ATP2B4: variants seen among roughly 807,000 people sequenced by gnomAD.
ATP2B4 encodes plasma membrane calcium-transporting ATPase 4.
Under a neutral mutation model 110.3 loss-of-function variants are expected in ATP2B4, and 39 were observed. That is an observed-to-expected ratio of 0.35 (90% CI 0.27 to 0.46). The LOEUF is 0.46. Ranked by LOEUF, ATP2B4 falls within the 20% of genes least tolerant of loss-of-function variation. The probability of loss-of-function intolerance (pLI) is 1.00; values close to 1 mark genes in which losing one functional copy is unlikely to be tolerated. For synonymous variants in ATP2B4, 538 were observed against 571.7 expected, an observed-to-expected ratio of 0.94 and a Z score of 0.84; for missense variants, 1,135 against 1,530.9, an observed-to-expected ratio of 0.74 and a Z score of 4.32.
At chr1:203,728,243 A>G (rs1316146441) in intron 20 of ATP2B4, 1 of 467,768 alleles carries the variant, frequency 2.1e-6, no homozygotes, top group Non-Finnish European at 4.4e-6. Context: ...GAAATGGGAT[A>G]GAAGCCACCC....
Position 203,713,243 on chromosome 1 carries a change from C to G in ATP2B4, c.2290C>G (p.Leu764Val). ...ATCTTCTCCCACTGACAAGCACACC[C>G]TGGTGAAAGGTGAGGTTGGCTTCCA... The part of the protein sequence containing the change: ...ARSSPTDKHT[L>V]VKGIIDSTVG... Residue 764 changes from leucine to valine, a missense_variant, in exon 14 of 21, where the codon CTG (leucine) becomes GTG (valine). By Grantham distance (32) the Leu-to-Val change is conservative. Coordinates refer to ENST00000357681, the MANE Select transcript of ATP2B4 (RefSeq NM_001684.5). 6.2e-7 allele frequency: 1 copy of G among 1,614,128 alleles called. No individual in the cohort carries two copies. The highest frequency in any genetic ancestry group is 1.1e-5 in the South Asian group (1 of 91,084).
rs1222533329 is a variant in ATP2B4, at chr1:203,743,907, GAAAAAAAATGCTA to G, written c.*4054_*4066del. Reference sequence around the variant, plus strand: ...TGCATGTATTTATATGGTTCTTAGGGAAAAAAAATGCTATAAACTGCAAATCTGAAATTCAAAT... The same window carrying G: ...TGCATGTATTTATATGGTTCTTAGGGTAAACTGCAAATCTGAAATTCAAAT... On this transcript the variant is annotated 3_prime_UTR_variant, in exon 21 of 21. Transcript: ENST00000357681. 1 of 152,146 alleles carries G rather than the reference GAAAAAAAATGCTA, an allele frequency of 6.6e-6. No individual in the cohort carries two copies. The highest frequency in any genetic ancestry group is 1.5e-5 in the Non-Finnish European group (1 of 67,936). The allele number at this position is 152,146 out of a possible 1,614,324, so 9.4% of individuals were successfully genotyped here.
chr1:203,648,285 G>GT (rs1001737241), intron 1 of ATP2B4, among the ~76,000 whole-genome samples: 16 of 151,704 alleles, frequency 1.1e-4, no homozygotes, highest in Admixed American at 5.2e-4. Flanking sequence ...GAAAAGAAGT[G>GT]TTTTTTTTAA....
chr1:203,684,492 A>T (rs1326016154), intron 2 of ATP2B4, among the ~76,000 whole-genome samples: 1 of 151,132 alleles, frequency 6.6e-6, no homozygotes, highest in Admixed American at 6.6e-5. Context: ...GGCAGTTGGG[A>T]CTACAGGTGT....
At chr1:203,689,653 C>T (rs1287611621) in intron 2 of ATP2B4, among the ~76,000 whole-genome samples, 2 of 152,150 alleles carry the variant, frequency 1.3e-5, no homozygotes, top group Non-Finnish European at 2.9e-5. Flanking sequence ...AATTCTTTTT[C>T]AACAACATTC....
chr1:203,727,585 G>A lies in ATP2B4; in HGVS notation c.3309+14G>A. 1 of 1,612,986 alleles carries A rather than the reference G, an allele frequency of 6.2e-7. No homozygotes were observed. Among genetic ancestry groups the A allele is most frequent in the Non-Finnish European group, 8.5e-7 (1 of 1,179,724 alleles). On this transcript the variant is annotated intron_variant, in intron 20 of 20. Transcript: ENST00000357681. The stretch of plus-strand genomic sequence containing the variant: ...ATCCAGACTCAGGTACTCTGATAGT[G>A]GTCTGTCCTTCCCTTGGGAGAAGCA...
intron 2 of ATP2B4, among the ~76,000 whole-genome samples, chr1:203,694,516 T>G (rs188766923): frequency 1.3e-5 from 2 of 152,224 alleles, no homozygotes; most frequent in East Asian, 1.9e-4. Flanking sequence ...GAGGCCCTGA[T>G]GTAGATGCCT....
intron 20 of ATP2B4, chr1:203,728,187 G>A: frequency 2.1e-6 from 1 of 469,498 alleles, no homozygotes; most frequent in Non-Finnish European, 4.4e-6. Flanking sequence ...TCCTGACAAG[G>A]AGGAAGCAAT....
Position 203,703,950 on chromosome 1 carries a change from C to T in ATP2B4, c.1099+137C>T, listed in dbSNP as rs148647736. ...AGGGTGGCTAGTTGGGGCTAGGCGG[C>T]TGTTTCCCTATCTCCGCCACTGTTT... On this transcript the variant is annotated intron_variant, in intron 8 of 20. Transcript: ENST00000357681. The T allele has an allele frequency of 3.0e-4, 335 of 1,121,320 alleles. 1 individual carries two copies. The African/African-American group carries it at 4.3e-3, about 14-fold the overall frequency. 69.5% of individuals were successfully genotyped at this position (1,121,320 alleles called of 1,614,324 possible).
Position 203,740,077 on chromosome 1 carries a change from C to A in ATP2B4, c.*223C>A. The A allele has an allele frequency of 1.8e-6, 1 of 551,754 alleles. No individual in the cohort carries two copies. Among genetic ancestry groups the A allele is most frequent in the East Asian group, 3.0e-5 (1 of 33,200 alleles). The allele number at this position is 551,754 out of a possible 1,614,324, so 34.2% of individuals were successfully genotyped here. On this transcript the variant is annotated 3_prime_UTR_variant, in exon 21 of 21. Transcript: ENST00000357681. ...TTTGTAGCGGGACCCAGTCAAACCC[C>A]ATTCAGGTCATGGTAGAATCTACTC...
At chr1:203,699,123 G>C (rs1324569366) in intron 3 of ATP2B4, among the ~76,000 whole-genome samples, 1 of 152,078 alleles carries the variant, frequency 6.6e-6, no homozygotes, top group Admixed American at 6.6e-5. Context: ...ATCTCAAAGT[G>C]CCCCCTGCCA....
chr1:203,700,654 T>C lies in ATP2B4; in HGVS notation c.776-144T>C. 4 of 1,204,770 alleles carry C rather than the reference T, an allele frequency of 3.3e-6. No homozygotes were observed. In the East Asian group the frequency reaches 9.7e-5, roughly 29 times the overall value. The allele number at this position is 1,204,770 out of a possible 1,614,324, so 74.6% of individuals were successfully genotyped here. A position where few individuals can be genotyped will look rare whatever the true frequency, so the allele number is the denominator to read the frequency against. On this transcript the variant is annotated intron_variant, in intron 5 of 20. Transcript: ENST00000357681. ...CTGGTCTGTTTTAAATGCGCCCAGC[T>C]CTTGACCTTTTCCTACTGTGCTAAG...
At chr1:203,647,273 A>G (rs1663828962) in intron 1 of ATP2B4, among the ~76,000 whole-genome samples, 1 of 151,980 alleles carries the variant, frequency 6.6e-6, no homozygotes, top group South Asian at 2.1e-4. Context: ...TTAAAAAAAT[A>G]AAAAATAAAA....
intron 20 of ATP2B4, among the ~76,000 whole-genome samples, chr1:203,735,002 CAAAAAAAAAAAAAAA>C (rs35552196): frequency 3.5e-5 from 2 of 57,132 alleles, no homozygotes; most frequent in Admixed American, 5.5e-4. Context: ...GACTCCATCT[CAAAAAAAAAAAAAAA>C]AAAAAAAACG....
intron 18 of ATP2B4, among the ~76,000 whole-genome samples, chr1:203,723,217 T>G (rs1666388517): frequency 6.6e-6 from 1 of 151,306 alleles, no homozygotes; most frequent in African/African-American, 2.4e-5. Context: ...GTCCCATCCC[T>G]CAGCAGGGCA....
intron 16 of ATP2B4, among the ~76,000 whole-genome samples, chr1:203,720,966 A>G (rs1208290424): frequency 6.6e-6 from 1 of 152,206 alleles, no homozygotes; most frequent in Non-Finnish European, 1.5e-5. Context: ...AAGCATTTAT[A>G]TGCACTATCT....
chr1:203,731,370 G>C (rs1033866032), intron 20 of ATP2B4, among the ~76,000 whole-genome samples: 1 of 152,156 alleles, frequency 6.6e-6, no homozygotes, highest in African/African-American at 2.4e-5. Flanking sequence ...CCAGTTAATG[G>C]AATCAGCACC....
At chr1:203,739,510 T>C in intron 20 of ATP2B4, 36 bp from the exon 21 acceptor site, 1 of 1,583,976 alleles carries the variant, frequency 6.3e-7, no homozygotes, top group South Asian at 1.2e-5. Context: ...CTCACCTCTC[T>C]ATTTTCTCAT....
intron 15 of ATP2B4, among the ~76,000 whole-genome samples, chr1:203,717,295 G>T (rs4951104): frequency 0.06 from 9,053 of 151,936 alleles, 739 homozygotes; most frequent in East Asian, 0.38. Flanking sequence ...TTAATTACTG[G>T]TTTTTTTTAA....
Sources: allele counts gnomAD v4.1 joint callset (sites outside exome capture counted in the v4.1 genomes callset), GRCh38; gene constraint gnomAD v4.1.1; transcripts MANE v1.5; gene names NCBI Gene and HGNC (gene_info 2026-07-23, HGNC 2026-07-21).